CFAP20DC: variants seen among roughly 807,000 people sequenced by gnomAD.
The protein encoded by CFAP20DC is CFAP20 domain containing.
CFAP20DC carries 84 observed loss-of-function variants against 101.7 expected under a neutral mutation model. The ratio of observed to expected loss-of-function variants is 0.83; its 90% confidence interval spans 0.69 to 0.99. The LOEUF is 0.99. Ranked by LOEUF, CFAP20DC falls within the 50% of genes least tolerant of loss-of-function variation. The pLI, the probability that CFAP20DC is intolerant of heterozygous loss-of-function variation, is 0.00. For synonymous variants in CFAP20DC, 359 were observed against 351.2 expected (o/e 1.02, Z -0.25); for missense variants, 1,007 against 970.3 (o/e 1.04, Z -0.50).
intron 3 of CFAP20DC, among the ~76,000 whole-genome samples, chr3:58,735,939 T>C (rs1333864012): frequency 6.6e-6 from 1 of 152,194 alleles, no homozygotes; most frequent in Non-Finnish European, 1.5e-5. Context: ...CACTCATAGA[T>C]TCTTATGCTT....
At chr3:59,046,963 T>G (rs1467765681) in intron 2 of CFAP20DC, among the ~76,000 whole-genome samples, 1 of 152,100 alleles carries the variant, frequency 6.6e-6, no homozygotes, top group Non-Finnish European at 1.5e-5. Context: ...ATGGAGTACA[T>G]AGAAGGGTTA....
chr3:58,801,223 G>A (rs1175184036), intron 15 of CFAP20DC, among the ~76,000 whole-genome samples: 1 of 152,118 alleles, frequency 6.6e-6, no homozygotes, highest in East Asian at 1.9e-4. Context: ...GTGGGAATGA[G>A]ATTATGAAAG....
In CFAP20DC at chr3:58,870,670, T is replaced by C. The variant is rs1470143400; in HGVS notation, c.716-361A>G. ...TTGGGAGGCCGAGGCGGGTGGATCA[T>C]GAGGTCAGGAGATCGAGACCATCCT... is the stretch of plus-strand genomic sequence containing the variant. On this transcript the variant is annotated intron_variant, in intron 7 of 16. Coordinates refer to ENST00000482387, the MANE Select transcript of CFAP20DC (RefSeq NM_001394063.1). Among the ~76,000 whole-genome samples the C allele has an allele frequency of 6.1e-5, 9 of 148,358 alleles. No homozygotes were observed. The South Asian group carries it at 1.7e-3, about 28-fold the overall frequency.
intron 5 of CFAP20DC, among the ~76,000 whole-genome samples, chr3:58,936,180 T>G (rs1455987337): frequency 1.3e-5 from 2 of 152,034 alleles, no homozygotes. Flanking sequence ...AAAATGCTCA[T>G]CATCACTGGC....
intron 15 of CFAP20DC, among the ~76,000 whole-genome samples, chr3:58,790,165 C>T (rs1317652182): frequency 6.6e-6 from 1 of 152,176 alleles, no homozygotes; most frequent in Non-Finnish European, 1.5e-5. Flanking sequence ...AGCGTCCCTT[C>T]CTCCTTCTTC....
chr3:58,809,121 C>T (rs1360072244), intron 14 of CFAP20DC, among the ~76,000 whole-genome samples: 4 of 152,122 alleles, frequency 2.6e-5, no homozygotes, highest in African/African-American at 9.7e-5. Context: ...TAATGGGAGA[C>T]TTTAGCACCC....
intron 4 of CFAP20DC, among the ~76,000 whole-genome samples, chr3:59,037,515 C>T (rs143594955): frequency 6.6e-6 from 1 of 150,990 alleles, no homozygotes; most frequent in African/African-American, 2.4e-5. Flanking sequence ...ATGTGGGCAA[C>T]AAATATGCGA....
Position 58,892,173 on chromosome 3 carries a change from T to C in CFAP20DC, c.551-7464A>G, listed in dbSNP as rs1432276359. Among the ~76,000 whole-genome samples the C allele has an allele frequency of 1.3e-5, 2 of 152,238 alleles. No homozygotes were observed. The highest frequency in any genetic ancestry group is 2.9e-5 in the Non-Finnish European group (2 of 68,036). On this transcript the variant is annotated intron_variant, in intron 6 of 16. Transcript: ENST00000482387. This position sits in a 1 kb window ranked among gnomAD's most constrained non-coding sequence, Gnocchi z 4.0. ...TGTGGCCTTATTTCTAGGCTCTCTA[T>C]TCTCTTCCACTGGTCTATGTGCCTG...
At chr3:58,802,833 A>C (rs1223767499) in intron 15 of CFAP20DC, among the ~76,000 whole-genome samples, 1 of 152,210 alleles carries the variant, frequency 6.6e-6, no homozygotes, top group African/African-American at 2.4e-5. Flanking sequence ...TATGGATTGC[A>C]TATTGTCTTT....
chr3:58,841,037 T>C (rs996097547), intron 13 of CFAP20DC, among the ~76,000 whole-genome samples: 2 of 152,172 alleles, frequency 1.3e-5, no homozygotes, highest in Non-Finnish European at 2.9e-5. Flanking sequence ...AGGGTTCTGT[T>C]TGGGGAAGGC....
At position 58,788,589 on chromosome 3, in the gene CFAP20DC, G is replaced by C. The variant is rs1459316382; in HGVS notation, c.2237+17806C>G. ...CTGGATGAACACATGGCTAGGCTGG[G>C]ATTGTAGCAACAGCAATGACTACCA... is the stretch of plus-strand genomic sequence containing the variant. On this transcript the variant is annotated intron_variant, in intron 15 of 16. Coordinates refer to ENST00000482387, the MANE Select transcript of CFAP20DC (RefSeq NM_001394063.1). The surrounding 1 kb of genome is among the most constrained non-coding windows in gnomAD (Gnocchi z 4.2). 6.6e-6 allele frequency among the ~76,000 whole-genome samples: 1 copy of C among 152,094 alleles called. No individual in the cohort carries two copies. Among genetic ancestry groups the C allele is most frequent in the African/African-American group, 2.4e-5 (1 of 41,414 alleles).
chr3:58,860,998 A>G (rs926996016), intron 12 of CFAP20DC, among the ~76,000 whole-genome samples: 4 of 152,196 alleles, frequency 2.6e-5, no homozygotes, highest in African/African-American at 9.6e-5. Flanking sequence ...GAGTAAGGTA[A>G]GGTTATATGC....
chr3:58,886,024 C>G (rs1043475056), intron 6 of CFAP20DC, among the ~76,000 whole-genome samples: 28 of 151,942 alleles, frequency 1.8e-4, no homozygotes, highest in Non-Finnish European at 4.4e-5. Context: ...TATATGACCT[C>G]TTTTATAGTA....
intron 4 of CFAP20DC, among the ~76,000 whole-genome samples, chr3:58,979,883 T>C (rs1312417503): frequency 6.6e-6 from 1 of 152,054 alleles, no homozygotes; most frequent in African/African-American, 2.4e-5. Flanking sequence ...ATGTCTTTTG[T>C]AAAAATCATA....
chr3:58,848,391 T>A (rs536226967), intron 13 of CFAP20DC, among the ~76,000 whole-genome samples: 6 of 152,290 alleles, frequency 3.9e-5, no homozygotes, highest in Admixed American at 2.0e-4. Context: ...TTAAATGTTT[T>A]AAAAAATGGA....
At chr3:58,855,086 A>C (rs1160168942) in intron 12 of CFAP20DC, among the ~76,000 whole-genome samples, 1 of 150,630 alleles carries the variant, frequency 6.6e-6, no homozygotes, top group Admixed American at 6.6e-5. Flanking sequence ...CAACCTACTC[A>C]TCTGACAAAG....
intron 3 of CFAP20DC, among the ~76,000 whole-genome samples, chr3:59,042,852 AC>A (rs1699515694): frequency 6.6e-6 from 1 of 152,160 alleles, no homozygotes; most frequent in Non-Finnish European, 1.5e-5. Context: ...CAGACTCTCA[AC>A]CTATTTTAAA....
At chr3:58,791,810 G>C (rs1299079661) in intron 15 of CFAP20DC, among the ~76,000 whole-genome samples, 1 of 152,166 alleles carries the variant, frequency 6.6e-6, no homozygotes, top group Non-Finnish European at 1.5e-5. Flanking sequence ...GAATGTTTCT[G>C]GTCACAGTGT....
At position 58,867,850 on chromosome 3, in the gene CFAP20DC, T is replaced by G; in HGVS notation, c.1102A>C (p.Ser368Arg). ...NNNRRRLRLK[S>R]TSRERTETPS... ...GTCTCTGTCCTTTCTCTGCTGGTAC[T>G]TTTTAACCGTAATCTTCTTCTGTTA... Residue 368 changes from serine to arginine, a missense_variant, in exon 10 of 17, where the codon AGT becomes CGT. Coordinates refer to ENST00000482387, the MANE Select transcript of CFAP20DC (RefSeq NM_001394063.1). The G allele has an allele frequency of 6.2e-7, 1 of 1,613,710 alleles. No homozygotes were observed. Among genetic ancestry groups the G allele is most frequent in the Non-Finnish European group, 8.5e-7 (1 of 1,179,660 alleles).
Sources: allele counts gnomAD v4.1 joint callset (sites outside exome capture counted in the v4.1 genomes callset), GRCh38; gene constraint gnomAD v4.1.1; non-coding constraint Gnocchi (gnomAD v3.1); transcripts MANE v1.5; gene names NCBI Gene and HGNC (gene_info 2026-07-23, HGNC 2026-07-21).